The following TUBGCP5 variants were observed in gnomAD, a reference collection of about 807,000 sequenced individuals.
The protein encoded by TUBGCP5 is gamma-tubulin complex component 5.
A neutral mutation model predicts 134.7 loss-of-function variants in TUBGCP5; 98 were observed. The observed-to-expected ratio is 0.73, with a 90% CI of 0.62 to 0.86. The LOEUF is 0.86. TUBGCP5 is among the 40% of genes least tolerant of loss of function. TUBGCP5 has a pLI of 0.00. For missense variants in TUBGCP5, 1,150 were observed against 1,244.8 expected, an observed-to-expected ratio of 0.92 and a Z score of 1.15; for synonymous variants, 456 against 431.4, an observed-to-expected ratio of 1.06 and a Z score of -0.71.
rs200095071 is a variant in TUBGCP5, at chr15:23,000,601, T to C, written c.2996A>G (p.Asn999Ser). 2 of 1,611,826 alleles carry C rather than the reference T, an allele frequency of 1.2e-6. No individual in the cohort carries two copies. The highest frequency in any genetic ancestry group is 8.5e-7 in the Non-Finnish European group (1 of 1,178,368). Residue 999 changes from asparagine to serine, a missense_variant, in exon 22 of 23, where the codon AAC (asparagine) becomes AGC (serine). By Grantham distance (46) the Asn-to-Ser change is conservative. Around this residue, in one of 2 missense-constraint regions of TUBGCP5, gnomAD observed 697 missense variants for 850.1 expected, o/e 0.82. Transcript: ENST00000615383. ...NCHMFLVTIL[N>S]KAVCRGSFPH... is the part of the protein sequence containing the mutation. ...AAAGGATCCTCTACAGACGGCTTTG[T>C]TTAAAATGGTTACAAGAAACATATG...
At chr15:23,002,268 G>A (rs17137276) in intron 21 of TUBGCP5, among the ~76,000 whole-genome samples, 5,210 of 152,060 alleles carry the variant, frequency 0.034, 300 homozygotes, top group African/African-American at 0.12. Context: ...TCTTGATTCC[G>A]AGTACAGCCA....
intron 3 of TUBGCP5, among the ~76,000 whole-genome samples, chr15:23,036,662 C>A (rs774246468): frequency 4.6e-5 from 7 of 152,142 alleles, no homozygotes; most frequent in Non-Finnish European, 8.8e-5. Flanking sequence ...AATCTCTGAT[C>A]TCTCTTTCCT....
At position 23,011,083 on chromosome 15, in the gene TUBGCP5, G is replaced by A. The variant is rs200145369; in HGVS notation, c.1955+50C>T. 1.0e-5 allele frequency: 16 copies of A among 1,576,304 alleles called. No individual in the cohort carries two copies. The Middle Eastern group carries it at 5.1e-4, about 50-fold the overall frequency. ...CAGAAATAAACAGTTAGCAAACATT[G>A]CACAAATGATGCCATTTCAATTACT... On this transcript the variant is annotated intron_variant, in intron 14 of 22. Coordinates refer to ENST00000615383, the MANE Select transcript of TUBGCP5 (RefSeq NM_052903.6).
chr15:23,005,528 T>G lies in TUBGCP5; in HGVS notation c.2616A>C (p.Gln872His). The change falls in exon 19 of 23, where the codon CAA becomes CAC. Residue 872 changes from glutamine to histidine, a missense_variant. By Grantham distance (24) the Gln-to-His change is conservative. Transcript: ENST00000615383. ...EQDTVAQFGP[Q>H]KEPVRQQIHR... is the part of the protein sequence containing the mutation. Reference sequence around the variant, plus strand: ...GAATCTGCTGTCTTACTGGTTCTTTTTGTGGTCCGAACTGAGCAACTGTGT... The same window carrying G: ...GAATCTGCTGTCTTACTGGTTCTTTGTGTGGTCCGAACTGAGCAACTGTGT... 1 of 1,614,208 alleles carries G rather than the reference T, an allele frequency of 6.2e-7. No individual in the cohort carries two copies. Among genetic ancestry groups the G allele is most frequent in the Non-Finnish European group, 8.5e-7 (1 of 1,180,036 alleles).
chr15:23,038,378 CCTA>C (rs1247117817), intron 1 of TUBGCP5, among the ~76,000 whole-genome samples: 1 of 152,158 alleles, frequency 6.6e-6, no homozygotes, highest in Non-Finnish European at 1.5e-5. Flanking sequence ...TGACAATCTG[CCTA>C]CTGTCATTTA....
rs770148693 is a variant in TUBGCP5 at position 22,999,794 on chromosome 15, G to A, written c.*26C>T. 25 of 1,608,874 alleles carry A rather than the reference G, an allele frequency of 1.6e-5. 1 individual carries two copies. Among genetic ancestry groups the A allele is most frequent in the South Asian group, 1.5e-4 (14 of 90,994 alleles). Reference sequence around the variant, plus strand: ...AATGTACATGTATGATGACAAAGTCGGAGATATTTATTACGCTGAAGACAT... The same window carrying A: ...AATGTACATGTATGATGACAAAGTCAGAGATATTTATTACGCTGAAGACAT... On this transcript the variant is annotated 3_prime_UTR_variant, in exon 23 of 23. Coordinates refer to ENST00000615383, the MANE Select transcript of TUBGCP5 (RefSeq NM_052903.6).
At chr15:23,010,514 C>T (rs557673165) in intron 14 of TUBGCP5, among the ~76,000 whole-genome samples, 1 of 152,274 alleles carries the variant, frequency 6.6e-6, no homozygotes, top group South Asian at 2.1e-4. Flanking sequence ...CCACTCATGG[C>T]CCAGAGTTTC....
At chr15:23,003,320 GGCACAT>G (rs2064499476) in intron 20 of TUBGCP5, among the ~76,000 whole-genome samples, 167 bp from the exon 21 acceptor site, 3 of 152,206 alleles carry the variant, frequency 2.0e-5, no homozygotes, top group Admixed American at 2.0e-4. Context: ...TTTGGGACCA[GGCACAT>G]GCATTCACTG....
At chr15:23,012,861 C>CT (rs1271330246) in intron 13 of TUBGCP5, among the ~76,000 whole-genome samples, 2 of 152,118 alleles carry the variant, frequency 1.3e-5, no homozygotes, top group Non-Finnish European at 2.9e-5. Context: ...AATCCCAGCA[C>CT]TTTAAGAGGC....
Position 23,031,018 on chromosome 15 carries a change from A to G in TUBGCP5, c.489T>C (p.Asn163=). The change falls in exon 6 of 23, where the codon AAT becomes AAC. Residue 163 remains asparagine, a splice_region_variant and synonymous_variant. Coordinates refer to ENST00000615383, the MANE Select transcript of TUBGCP5 (RefSeq NM_052903.6). ...MDIGPYMDTP[N]WSEESEEEND... ...TTTCCTCTTCACTTTCTTCAGACCA[A>G]TTCTGATTTAAAAAAGAGATACACT... is the stretch of plus-strand genomic sequence containing the variant. The G allele has an allele frequency of 6.2e-7, 1 of 1,608,010 alleles. No homozygotes were observed. The highest frequency in any genetic ancestry group is 8.5e-7 in the Non-Finnish European group (1 of 1,178,498).
At chr15:22,995,574 C>CAAAA (rs397794497), downstream of TUBGCP5, among the ~76,000 whole-genome samples, 4 of 121,720 alleles carry the variant, frequency 3.3e-5, no homozygotes, top group African/African-American at 1.2e-4. Flanking sequence ...GGCTCCGTCT[C>CAAAA]AAAAAAAAAA....
intron 1 of TUBGCP5, among the ~76,000 whole-genome samples, chr15:23,038,366 G>T (rs578160832): frequency 1.3e-5 from 2 of 152,278 alleles, no homozygotes; most frequent in South Asian, 4.1e-4. Flanking sequence ...GCTCTAAAAT[G>T]ATGACAATCT....
At chr15:23,016,169 GT>G (rs1206408674) in intron 13 of TUBGCP5, among the ~76,000 whole-genome samples, 1 of 152,148 alleles carries the variant, frequency 6.6e-6, no homozygotes, top group Admixed American at 6.5e-5. Flanking sequence ...AGAAACAGAT[GT>G]TTAACAAACA....
chr15:23,014,574 A>G (rs986351606), intron 13 of TUBGCP5, among the ~76,000 whole-genome samples: 6 of 150,334 alleles, frequency 4.0e-5, no homozygotes, highest in African/African-American at 1.2e-4. Flanking sequence ...TGGGCCTCAG[A>G]AGCAGCCTCA....
chr15:23,006,167 T>C lies in TUBGCP5; in HGVS notation c.2418A>G (p.Pro806=), dbSNP rs779646639. The part of the protein sequence containing the change: ...LDGLTLSYKV[P]WPVDIVISLE... ...AACTTATAACAATGTCCACGGGCCA[T>C]GGGACCTATGAAACAAAAACAAAAT... Residue 806 remains proline, a synonymous_variant, in exon 18 of 23, where the codon CCA becomes CCG. Coordinates refer to ENST00000615383, the MANE Select transcript of TUBGCP5 (RefSeq NM_052903.6). 4 of 1,608,768 alleles carry C rather than the reference T, an allele frequency of 2.5e-6. No homozygotes were observed. The highest frequency in any genetic ancestry group is 1.3e-5 in the African/African-American group (1 of 74,800).
intron 11 of TUBGCP5, among the ~76,000 whole-genome samples, chr15:23,021,550 C>A (rs1333026499): frequency 6.6e-6 from 1 of 152,126 alleles, no homozygotes; most frequent in Non-Finnish European, 1.5e-5. Context: ...AGAACTTTTT[C>A]ATGTTATAAA....
intron 3 of TUBGCP5, among the ~76,000 whole-genome samples, chr15:23,036,205 T>C (rs1443892017): frequency 3.9e-5 from 6 of 152,170 alleles, no homozygotes; most frequent in Non-Finnish European, 7.4e-5. Context: ...TGCTTGCTTA[T>C]GTGACCCACC....
chr15:23,018,038 GT>G lies in TUBGCP5; in HGVS notation c.1490del (p.Asn497ThrfsTer31). The stretch of plus-strand genomic sequence containing the variant: ...CTCTGTGATTAACTGGAACATTTTT[GT>G]TTCTAAAGAGATTCAAAAGAATTTT... ...DGAREFIIQR[N>X]KNVPVNHRDF... On this transcript the variant is annotated frameshift_variant and splice_region_variant, in exon 13 of 23. Transcript: ENST00000615383. LOFTEE classifies it high-confidence loss of function. 1.2e-6 allele frequency: 2 copies of G among 1,600,308 alleles called. No individual in the cohort carries two copies. Among genetic ancestry groups the G allele is most frequent in the Non-Finnish European group, 1.7e-6 (2 of 1,172,582 alleles).
chr15:23,008,934 G>A, intron 15 of TUBGCP5, 53 bp from the exon 16 acceptor site: 1 of 1,439,878 alleles, frequency 6.9e-7, no homozygotes, highest in South Asian at 1.5e-5. Context: ...CGTAAGGCAG[G>A]ATTCTGGATC....
Sources: allele counts gnomAD v4.1 joint callset (sites outside exome capture counted in the v4.1 genomes callset), GRCh38; gene constraint gnomAD v4.1.1; regional missense constraint gnomAD v4.1.1; transcripts MANE v1.5; gene names NCBI Gene and HGNC (gene_info 2026-07-23, HGNC 2026-07-21).